Variants in SLC5A8 observed in about 807,000 individuals in gnomAD.
SLC5A8 encodes the protein sodium-coupled monocarboxylate transporter 1.
In SLC5A8, 55 loss-of-function variants were observed where a neutral mutation model predicts 71.9. The observed-to-expected ratio is 0.77, with a 90% CI of 0.62 to 0.96. The LOEUF is 0.96. Ranked by LOEUF, SLC5A8 falls within the 40% of genes least tolerant of loss-of-function variation. The probability of loss-of-function intolerance (pLI) is 0.00; values close to 1 mark genes in which losing one functional copy is unlikely to be tolerated. For missense variants in SLC5A8, 701 were observed against 745.3 expected (o/e 0.94, Z 0.69); for synonymous variants, 307 against 276.1 (o/e 1.11, Z -1.11).
chr12:101,159,488 A>C (rs2051705495), intron 13 of SLC5A8, among the ~76,000 whole-genome samples: 1 of 152,094 alleles, frequency 6.6e-6, no homozygotes, highest in South Asian at 2.1e-4. Flanking sequence ...TAAGGCCTGA[A>C]CTCTTATGGG....
At position 101,193,629 on chromosome 12, in the gene SLC5A8, A is replaced by C. The variant is rs1869022177; in HGVS notation, c.688T>G (p.Trp230Gly). ...DAYDGGRLNF[W>G]NFNPNPLQRH... ...ACCCAAGTACTAGACACTTACTTCC[A>C]GAAATTTAATCTTCCACCATCATAG... The change falls in exon 5 of 15, where the codon TGG becomes GGG. Residue 230 changes from tryptophan (W) to glycine (G), a missense_variant. Trp to Gly is a radical substitution (Grantham distance 184, BLOSUM62 -2). Transcript: ENST00000536262. 6.2e-7 allele frequency: 1 copy of C among 1,613,104 alleles called. No individual in the cohort carries two copies. Among genetic ancestry groups the C allele is most frequent in the Admixed American group, 1.7e-5 (1 of 59,852 alleles).
At chr12:101,206,471 A>G (rs997345784) in intron 1 of SLC5A8, among the ~76,000 whole-genome samples, 6 of 152,356 alleles carry the variant, frequency 3.9e-5, no homozygotes, top group East Asian at 1.9e-4. Flanking sequence ...CAAGTAAGTT[A>G]ATCAACTGAT....
rs1868845227 is a variant in SLC5A8, at chr12:101,190,463, C to T, written c.833+5G>A. The T allele has an allele frequency of 6.2e-7, 1 of 1,611,988 alleles. No homozygotes were observed. The highest frequency in any genetic ancestry group is 1.1e-5 in the South Asian group (1 of 90,696). ...ATGATTCATATACCATGGTGTGTGACTTACAGTTTTGCCTGGAATCTGCTT... is the reference window on the plus strand; with the variant it reads ...ATGATTCATATACCATGGTGTGTGATTTACAGTTTTGCCTGGAATCTGCTT... On this transcript the variant is annotated splice_donor_5th_base_variant and intron_variant, in intron 6 of 14. Coordinates refer to ENST00000536262, the MANE Select transcript of SLC5A8 (RefSeq NM_145913.5).
chr12:101,190,875 G>A (rs1006275319), intron 5 of SLC5A8, among the ~76,000 whole-genome samples: 3 of 152,044 alleles, frequency 2.0e-5, no homozygotes, highest in African/African-American at 4.8e-5. Flanking sequence ...TATATAACTT[G>A]TTCTCCTGTG....
At chr12:101,170,151 G>A (rs1378413214) in intron 10 of SLC5A8, among the ~76,000 whole-genome samples, 2 of 152,184 alleles carry the variant, frequency 1.3e-5, no homozygotes, top group African/African-American at 2.4e-5. Context: ...TCAGGAAGAA[G>A]ACACTGTTGT....
At chr12:101,179,882 A>T (rs550751437) in intron 10 of SLC5A8, 147 bp downstream of exon 10, 129 of 768,050 alleles carry the variant, frequency 1.7e-4, no homozygotes, top group African/African-American at 1.2e-3. Context: ...AAGTTTAATT[A>T]AAAAAAATTA....
At chr12:101,195,660 T>A (rs1209765944) in intron 3 of SLC5A8, among the ~76,000 whole-genome samples, 1 of 151,752 alleles carries the variant, frequency 6.6e-6, no homozygotes, top group East Asian at 1.9e-4. Context: ...ATTGCGGATC[T>A]GATTTCAGAA....
intron 1 of SLC5A8, among the ~76,000 whole-genome samples, chr12:101,208,224 CA>C (rs1160528829): frequency 6.6e-6 from 1 of 152,170 alleles, no homozygotes; most frequent in Non-Finnish European, 1.5e-5. Context: ...CTCCCAAACA[CA>C]GCCCCAGAGT....
At chr12:101,183,035 C>CT (rs34182928) in intron 8 of SLC5A8, 120 bp from the exon 9 acceptor site, 1,599 of 74,518 alleles carry the variant, frequency 0.021, 301 homozygotes, top group South Asian at 0.044. Context: ...TTCTACTATG[C>CT]TTTTTTTTTT....
At chr12:101,203,261 A>G (rs756423732) in intron 2 of SLC5A8, among the ~76,000 whole-genome samples, 1 of 152,250 alleles carries the variant, frequency 6.6e-6, no homozygotes, top group Non-Finnish European at 1.5e-5. Context: ...AATTTAAGTT[A>G]TATAATTTGC....
At chr12:101,176,103 A>AGC (rs2051877610) in intron 10 of SLC5A8, among the ~76,000 whole-genome samples, 3 of 152,056 alleles carry the variant, frequency 2.0e-5, no homozygotes, top group Admixed American at 6.5e-5. Flanking sequence ...GTCTACAAAA[A>AGC]AACTCACTTC....
intron 9 of SLC5A8, among the ~76,000 whole-genome samples, chr12:101,180,567 A>G (rs983372445): frequency 3.9e-5 from 6 of 152,180 alleles, no homozygotes; most frequent in Non-Finnish European, 7.3e-5. Context: ...GGAAGTGGCA[A>G]TGGACACTAT....
chr12:101,202,992 G>A (rs756788471), intron 2 of SLC5A8, among the ~76,000 whole-genome samples: 24 of 152,156 alleles, frequency 1.6e-4, no homozygotes, highest in Admixed American at 4.6e-4. Context: ...TCCTTCAAAT[G>A]GGAGGTGGTA....
At chr12:101,192,531 C>T (rs1268240344) in intron 5 of SLC5A8, among the ~76,000 whole-genome samples, 2 of 152,124 alleles carry the variant, frequency 1.3e-5, no homozygotes, top group Non-Finnish European at 2.9e-5. Context: ...ACTATTGATC[C>T]AAAACGGAAG....
At chr12:101,185,365 C>T (rs1018395211) in intron 7 of SLC5A8, among the ~76,000 whole-genome samples, 1 of 152,132 alleles carries the variant, frequency 6.6e-6, no homozygotes, top group Non-Finnish European at 1.5e-5. Flanking sequence ...GTCCAAAATC[C>T]TCTATCCTAT....
intron 1 of SLC5A8, among the ~76,000 whole-genome samples, chr12:101,204,835 G>A (rs1351984074): frequency 2.0e-5 from 3 of 151,980 alleles, no homozygotes; most frequent in African/African-American, 7.3e-5. Context: ...AAACTCCCTC[G>A]GGCTTCCCCT....
chr12:101,166,627 GAGGA>G lies in SLC5A8; in HGVS notation c.1389_1392del (p.Pro464HisfsTer25). The G allele has an allele frequency of 6.2e-6, 10 of 1,613,914 alleles. No homozygotes were observed. The highest frequency in any genetic ancestry group is 7.6e-6 in the Non-Finnish European group (9 of 1,179,946). ...AATGGCAATGTTCTCTCAGGAAGTG[GAGGA>G]TATATTTGAGCTCCAATTCCAACCC... On this transcript the variant is annotated frameshift_variant, in exon 12 of 15. Transcript: ENST00000536262. LOFTEE classifies it high-confidence loss of function.
At chr12:101,158,598 C>CTCTCTCTCTATATA (rs1411795424) in intron 13 of SLC5A8, among the ~76,000 whole-genome samples, 13 of 21,208 alleles carry the variant, frequency 6.1e-4, no homozygotes, top group Non-Finnish European at 7.9e-4. Flanking sequence ...CTCTCTCTCT[C>CTCTCTCTCTATATA]TATATATATA....
At chr12:101,160,494 C>G (rs139925467) in intron 13 of SLC5A8, among the ~76,000 whole-genome samples, 4 of 152,220 alleles carry the variant, frequency 2.6e-5, no homozygotes, top group African/African-American at 9.6e-5. Context: ...CATCAGACAT[C>G]CTTGAACACA....
Sources: gnomAD v4.1 joint callset for allele counts (sites outside exome capture counted in the v4.1 genomes callset) on GRCh38, gnomAD v4.1.1 for gene constraint, MANE v1.5 for transcripts, NCBI Gene and HGNC (gene_info 2026-07-23, HGNC 2026-07-21) for gene names.